ZMIZ1: variants seen among roughly 807,000 people sequenced by gnomAD.
ZMIZ1 encodes zinc finger MIZ-type containing 1.
A neutral mutation model predicts 113.9 loss-of-function variants in ZMIZ1; 17 were observed. The ratio of observed to expected loss-of-function variants is 0.15; its 90% CI spans 0.10 to 0.22. The LOEUF is 0.22. Among genes scored for constraint, ZMIZ1 ranks in the 10% least tolerant of loss-of-function variants. The pLI, the probability that ZMIZ1 is intolerant of heterozygous loss-of-function variation, is 1.00. For missense variants in ZMIZ1, 1,059 were observed against 1,477.8 expected, an observed-to-expected ratio of 0.72 and a Z score of 4.65; for synonymous variants, 607 against 603.1, an observed-to-expected ratio of 1.01 and a Z score of -0.09.
intron 1 of ZMIZ1, among the ~76,000 whole-genome samples, chr10:79,079,839 T>C (rs1357868608): frequency 6.6e-6 from 1 of 152,238 alleles, no homozygotes; most frequent in Admixed American, 6.5e-5. Flanking sequence ...GCAGGACTGG[T>C]TTAGGAGTTG....
chr10:79,085,068 C>T (rs919281265), intron 1 of ZMIZ1, among the ~76,000 whole-genome samples: 1 of 152,212 alleles, frequency 6.6e-6, no homozygotes, highest in Non-Finnish European at 1.5e-5. Flanking sequence ...ATGTAGATCC[C>T]GGCCTGTGCT....
chr10:79,294,769 T>G (rs1456153279), intron 12 of ZMIZ1: 1 of 152,314 alleles, frequency 6.6e-6, no homozygotes, highest in African/African-American at 2.4e-5. Flanking sequence ...AGCAGTTTTC[T>G]CCTCCTAGCT....
chr10:79,206,689 G>A (rs1848328255), intron 5 of ZMIZ1, among the ~76,000 whole-genome samples: 1 of 152,256 alleles, frequency 6.6e-6, no homozygotes, highest in African/African-American at 2.4e-5. Flanking sequence ...GAGCCTTTGG[G>A]AGACAGAGTC....
chr10:79,109,376 C>G (rs1045621022), intron 1 of ZMIZ1, among the ~76,000 whole-genome samples: 2 of 152,170 alleles, frequency 1.3e-5, no homozygotes, highest in Non-Finnish European at 2.9e-5. Flanking sequence ...CACCCGGTGC[C>G]CAGCGTGGCT....
chr10:79,174,365 TC>T (rs1846732936), intron 4 of ZMIZ1, among the ~76,000 whole-genome samples: 1 of 152,124 alleles, frequency 6.6e-6, no homozygotes, highest in Non-Finnish European at 1.5e-5. Flanking sequence ...ATCCCTGGAC[TC>T]CCAGTTGTCG....
At chr10:79,205,715 T>G (rs1848290672) in intron 5 of ZMIZ1, among the ~76,000 whole-genome samples, 1 of 152,162 alleles carries the variant, frequency 6.6e-6, no homozygotes. Context: ...CTGTTCTGCT[T>G]ATCTCACTAG....
At chr10:79,291,311 AG>A in intron 10 of ZMIZ1, 135 bp downstream of exon 10, 1 of 1,150,526 alleles carries the variant, frequency 8.7e-7, no homozygotes, top group Non-Finnish European at 1.2e-6. Flanking sequence ...CATGAGTTGA[AG>A]GGGCTCAGTC....
chr10:79,141,177 C>T (rs1341631799), intron 3 of ZMIZ1, among the ~76,000 whole-genome samples: 2 of 152,066 alleles, frequency 1.3e-5, no homozygotes, highest in Non-Finnish European at 1.5e-5. Flanking sequence ...GGCAGACATT[C>T]GGGGAGGAGG....
chr10:79,082,256 C>G (rs901402903), intron 1 of ZMIZ1, among the ~76,000 whole-genome samples: 1 of 152,240 alleles, frequency 6.6e-6, no homozygotes, highest in African/African-American at 2.4e-5. Context: ...GCTGGCTCCT[C>G]CAGCCTGGGG....
chr10:79,265,298 G>T (rs1851529124), intron 7 of ZMIZ1, among the ~76,000 whole-genome samples: 1 of 152,100 alleles, frequency 6.6e-6, no homozygotes, highest in South Asian at 2.1e-4. Context: ...GGCAGGGTGA[G>T]CTGGGCCGGG....
intron 4 of ZMIZ1, among the ~76,000 whole-genome samples, chr10:79,167,182 G>A (rs909709478): frequency 2.0e-5 from 3 of 152,316 alleles, no homozygotes; most frequent in South Asian, 2.1e-4. Flanking sequence ...GCCTTCCTTC[G>A]ACACTCTTCT....
In ZMIZ1 at chr10:79,314,854, G is replaced by C. The variant is rs1354964502; in HGVS notation, c.*2105G>C. On this transcript the variant is annotated 3_prime_UTR_variant, in exon 25 of 25. Transcript: ENST00000334512. Reference sequence around the variant, plus strand: ...CGCCAGGTAGCATGTGGCCACCCTTGCCCAGTGTCTGTGGCCTGGCAAGTG... The same window carrying C: ...CGCCAGGTAGCATGTGGCCACCCTTCCCCAGTGTCTGTGGCCTGGCAAGTG... The C allele has an allele frequency of 6.5e-6, 1 of 153,872 alleles. No individual in the cohort carries two copies. Among genetic ancestry groups the C allele is most frequent in the Non-Finnish European group, 1.4e-5 (1 of 69,270 alleles). The allele number at this position is 153,872 out of a possible 1,614,324, so 9.5% of individuals were successfully genotyped here.
intron 18 of ZMIZ1, among the ~76,000 whole-genome samples, chr10:79,303,763 CAG>C (rs1310692472): frequency 6.6e-6 from 1 of 152,244 alleles, no homozygotes; most frequent in Non-Finnish European, 1.5e-5. Context: ...TCTGCAGAGA[CAG>C]GGGAACTGCC....
chr10:79,234,795 G>A (rs934586150), intron 7 of ZMIZ1, among the ~76,000 whole-genome samples: 1 of 152,228 alleles, frequency 6.6e-6, no homozygotes, highest in African/African-American at 2.4e-5. Flanking sequence ...GCAGGAGTCA[G>A]TTCAATAATG....
rs543236474 is a variant in ZMIZ1 at position 79,177,221 on chromosome 10, C to G, written c.-50+15088C>G. On this transcript the variant is annotated intron_variant, in intron 4 of 24. Coordinates refer to ENST00000334512, the MANE Select transcript of ZMIZ1 (RefSeq NM_020338.4). ...AAAGCTGGCCTCGCTCTCAGGAAGC[C>G]CTGCTCCCCACAGCACCGCCACAAA... Among the ~76,000 whole-genome samples, 4 of 152,176 alleles carry G rather than the reference C, an allele frequency of 2.6e-5. No individual in the cohort carries two copies. The East Asian group carries it at 7.7e-4, about 29-fold the overall frequency.
chr10:79,076,267 A>AGT (rs1842472684), intron 1 of ZMIZ1, among the ~76,000 whole-genome samples: 1 of 152,122 alleles, frequency 6.6e-6, no homozygotes, highest in Non-Finnish European at 1.5e-5. Context: ...ACATGTATTG[A>AGT]GTGTGTGCTG....
At chr10:79,092,519 C>T (rs1843015000) in intron 1 of ZMIZ1, among the ~76,000 whole-genome samples, 1 of 152,266 alleles carries the variant, frequency 6.6e-6, no homozygotes, top group African/African-American at 2.4e-5. Context: ...TGGGCTGCGG[C>T]TAGGGGTGTC....
chr10:79,283,311 T>C (rs1425726699), intron 8 of ZMIZ1, among the ~76,000 whole-genome samples: 1 of 152,114 alleles, frequency 6.6e-6, no homozygotes, highest in Non-Finnish European at 1.5e-5. Flanking sequence ...AGCTGGGCCA[T>C]ATTCTAGCTG....
At chr10:79,197,063 G>A (rs1409830387) in intron 4 of ZMIZ1, among the ~76,000 whole-genome samples, 3 of 152,210 alleles carry the variant, frequency 2.0e-5, no homozygotes, top group Non-Finnish European at 2.9e-5. Flanking sequence ...CTGGGCCACC[G>A]GTGGCCCTTT....
Sources: allele counts gnomAD v4.1 joint callset (sites outside exome capture counted in the v4.1 genomes callset), GRCh38; gene constraint gnomAD v4.1.1; transcripts MANE v1.5; gene names NCBI Gene and HGNC (gene_info 2026-07-23, HGNC 2026-07-21).